TBCA: variants seen among roughly 807,000 people sequenced by gnomAD.
TBCA encodes tubulin-specific chaperone A.
A neutral mutation model predicts 15.8 loss-of-function variants in TBCA; 6 were observed. The ratio of observed to expected loss-of-function variants is 0.38; its 90% CI spans 0.21 to 0.75. The LOEUF (loss-of-function observed/expected upper bound fraction) is 0.75. Ranked by LOEUF, TBCA falls within the 30% of genes least tolerant of loss-of-function variation. The pLI is 0.46. For missense variants in TBCA, 90 were observed against 131.2 expected (o/e 0.69, Z 1.53); for synonymous variants, 32 against 42.3 (o/e 0.76, Z 0.94).
In TBCA at chr5:77,736,988, T is replaced by C. The variant is rs535087895; in HGVS notation, c.54-28641A>G. ...TGTGCCTGCTTAAACTAAAGGCATA[T>C]ATGTATACATTGTTTCTGGAATCTA... On this transcript the variant is annotated intron_variant, in intron 1 of 3. Transcript: ENST00000380377. Among the ~76,000 whole-genome samples the C allele has an allele frequency of 2.6e-5, 4 of 152,310 alleles. No individual in the cohort carries two copies. In the South Asian group the frequency reaches 6.2e-4, roughly 24 times the overall value.
chr5:77,714,960 T>C (rs1746365666), intron 1 of TBCA, among the ~76,000 whole-genome samples: 1 of 152,222 alleles, frequency 6.6e-6, no homozygotes, highest in South Asian at 2.1e-4. Flanking sequence ...CCTATGGCAC[T>C]TTTTAGTGGG....
At chr5:77,715,240 A>G (rs1746370967) in intron 1 of TBCA, 1 of 702,310 alleles carries the variant, frequency 1.4e-6, no homozygotes, top group East Asian at 2.7e-5. Context: ...AATTTACTTA[A>G]TGTACTCCAG....
chr5:77,766,512 ATTT>A lies in TBCA; in HGVS notation c.53+9690_53+9692del, dbSNP rs1180091515. Among the ~76,000 whole-genome samples the A allele has an allele frequency of 1.0e-4, 6 of 58,296 alleles. 3 individuals are homozygous for A. Among genetic ancestry groups the A allele is most frequent in the African/African-American group, 1.5e-4 (2 of 13,086 alleles). The allele number at this position is 58,296 out of a possible 152,430, so 38.2% of individuals were successfully genotyped here. ...CTCACTTTTATTTATTTATTTATTT[ATTT>A]TTTTTTTTTTTTGAGACGGAGTCTC... On this transcript the variant is annotated intron_variant, in intron 1 of 3. Coordinates refer to ENST00000380377, the MANE Select transcript of TBCA (RefSeq NM_004607.3).
intron 1 of TBCA, among the ~76,000 whole-genome samples, chr5:77,724,167 T>A (rs1367320010): frequency 6.6e-6 from 1 of 152,078 alleles, no homozygotes; most frequent in African/African-American, 2.4e-5. Flanking sequence ...GGGACAATCA[T>A]TACTAGAGTT....
chr5:77,775,678 C>T (rs1440017018), intron 1 of TBCA, among the ~76,000 whole-genome samples: 4 of 152,234 alleles, frequency 2.6e-5, no homozygotes, highest in Non-Finnish European at 2.9e-5. Flanking sequence ...AGTTCAGGCC[C>T]AGTTCTCAAA....
chr5:77,724,438 A>G (rs1746587268), intron 1 of TBCA, among the ~76,000 whole-genome samples: 1 of 152,116 alleles, frequency 6.6e-6, no homozygotes, highest in African/African-American at 2.4e-5. Flanking sequence ...CAGTTTTAGT[A>G]CCAGTACATA....
At chr5:77,732,561 A>C (rs1287880061) in intron 1 of TBCA, among the ~76,000 whole-genome samples, 42 of 150,454 alleles carry the variant, frequency 2.8e-4, no homozygotes, top group Admixed American at 4.0e-4. Context: ...AAAAAAAAAA[A>C]AAAAAAAAAA....
rs1195688236 is a variant in TBCA, at chr5:77,693,433, T to C, written c.160-81A>G. 2.1e-6 allele frequency: 3 copies of C among 1,454,980 alleles called. No homozygotes were observed. In the African/African-American group the frequency reaches 4.3e-5, roughly 21 times the overall value. 90.1% of individuals were successfully genotyped at this position (1,454,980 alleles called of 1,614,324 possible). A position where few individuals can be genotyped will look rare whatever the true frequency, so the allele number is the denominator to read the frequency against. ...GCTCATATCTTGGTAAGTATATCCT[T>C]ATTAAGAGGAATCAGAAAAAAGTTA... On this transcript the variant is annotated intron_variant, in intron 2 of 3. Coordinates refer to ENST00000380377, the MANE Select transcript of TBCA (RefSeq NM_004607.3).
intron 1 of TBCA, among the ~76,000 whole-genome samples, chr5:77,752,465 A>G (rs1347411337): frequency 6.6e-6 from 1 of 152,078 alleles, no homozygotes; most frequent in Non-Finnish European, 1.5e-5. Context: ...CCAGGTTCAA[A>G]TGATCCTACT....
At chr5:77,754,408 C>T (rs184492413) in intron 1 of TBCA, among the ~76,000 whole-genome samples, 2 of 152,064 alleles carry the variant, frequency 1.3e-5, no homozygotes, top group Non-Finnish European at 2.9e-5. Flanking sequence ...TCCTACAATG[C>T]GTTTTTTAAA....
chr5:77,738,697 C>T (rs1011050082), intron 1 of TBCA, among the ~76,000 whole-genome samples: 17 of 152,198 alleles, frequency 1.1e-4, no homozygotes, highest in African/African-American at 2.9e-4. Context: ...ATTCTCATGC[C>T]TTAGCCTTCC....
At chr5:77,714,640 T>C (rs1360309830) in intron 1 of TBCA, among the ~76,000 whole-genome samples, 21 of 151,610 alleles carry the variant, frequency 1.4e-4, no homozygotes, top group Admixed American at 4.6e-4. Flanking sequence ...AATCTCAGCC[T>C]ACTGCAAGCT....
chr5:77,747,634 C>T (rs763923747), intron 1 of TBCA, among the ~76,000 whole-genome samples: 12 of 151,964 alleles, frequency 7.9e-5, no homozygotes, highest in East Asian at 1.9e-4. Flanking sequence ...TGTTGTTGTC[C>T]GAATCACTTT....
Position 77,691,228 on chromosome 5 carries a change from A to G in TBCA, c.*190T>C. ...GGTTAATTTAAAAATTTTGTAAAGTATAAAATAAACAATTTTATTAGATGA... is the reference window on the plus strand; with the variant it reads ...GGTTAATTTAAAAATTTTGTAAAGTGTAAAATAAACAATTTTATTAGATGA... On this transcript the variant is annotated 3_prime_UTR_variant, in exon 4 of 4. Transcript: ENST00000380377. 1 of 581,058 alleles carries G rather than the reference A, an allele frequency of 1.7e-6. No individual in the cohort carries two copies. The allele number at this position is 581,058 out of a possible 1,614,324, so 36.0% of individuals were successfully genotyped here.
intron 1 of TBCA, among the ~76,000 whole-genome samples, chr5:77,748,232 T>G (rs1358799699): frequency 1.3e-5 from 2 of 152,184 alleles, no homozygotes; most frequent in Non-Finnish European, 2.9e-5. Context: ...TTCTGAGGAA[T>G]CCACATCTGT....
At chr5:77,702,054 G>A (rs1746031599) in intron 2 of TBCA, among the ~76,000 whole-genome samples, 1 of 151,970 alleles carries the variant, frequency 6.6e-6, no homozygotes, top group Non-Finnish European at 1.5e-5. Context: ...GTGGGAATGG[G>A]GTGAGGGATA....
chr5:77,770,021 T>C (rs1747870916), intron 1 of TBCA, among the ~76,000 whole-genome samples: 2 of 152,246 alleles, frequency 1.3e-5, no homozygotes, highest in African/African-American at 2.4e-5. Context: ...ACCAGTGAAC[T>C]AGTTTAACAG....
intron 2 of TBCA, among the ~76,000 whole-genome samples, chr5:77,700,022 C>T (rs146807563): frequency 0.011 from 1,311 of 118,980 alleles, 25 homozygotes; most frequent in African/African-American, 0.037. Context: ...AAGAGTATGG[C>T]TCTGACTCAA....
chr5:77,702,782 G>A (rs1480729539), intron 2 of TBCA, among the ~76,000 whole-genome samples: 1 of 152,198 alleles, frequency 6.6e-6, no homozygotes, highest in Non-Finnish European at 1.5e-5. Flanking sequence ...GGAATTTCCT[G>A]TGAAATCTAT....
Sources: gnomAD v4.1 joint callset for allele counts (sites outside exome capture counted in the v4.1 genomes callset) on GRCh38, gnomAD v4.1.1 for gene constraint, MANE v1.5 for transcripts, NCBI Gene and HGNC (gene_info 2026-07-23, HGNC 2026-07-21) for gene names.